Variants in IDUA observed in about 807,000 individuals in gnomAD.
IDUA encodes the protein iduronidase alpha-L-.
In IDUA, 65 loss-of-function variants were observed where a neutral mutation model predicts 68.9. That is an observed-to-expected ratio of 0.94 (90% CI 0.77 to 1.16). The LOEUF (loss-of-function observed/expected upper bound fraction) is 1.16, where lower values mean the gene tolerates loss of function less well. IDUA is among the 50% of genes most tolerant of loss of function. The pLI is 0.00. For synonymous variants in IDUA, 529 were observed against 433.6 expected (o/e 1.22, Z -2.73); for missense variants, 1,046 against 938.0 (o/e 1.12, Z -1.50).
intron 11 of IDUA, 23 bp from the exon 12 acceptor site, chr4:1,003,526 A>G (rs752997057): frequency 8.7e-6 from 14 of 1,608,408 alleles, no homozygotes; most frequent in Admixed American, 5.0e-5. Flanking sequence ...CCCCGACGCC[A>G]TCACAGCCCT....
intron 2 of IDUA, among the ~76,000 whole-genome samples, chr4:994,757 TAAAAAATTAAAAGTAAA>T (rs1312935654): frequency 9.7e-5 from 14 of 144,098 alleles, no homozygotes; most frequent in Non-Finnish European, 1.5e-5. Flanking sequence ...CCCCAACCTT[TAAAAAATTAAAAGTAAA>T]AAATTAGCTG....
chr4:992,057 T>G, intron 2 of IDUA: 1 of 554,418 alleles, frequency 1.8e-6, no homozygotes, highest in Non-Finnish European at 3.4e-6. Context: ...GGCTCTGCGG[T>G]TCCTGGCTGA....
intron 4 of IDUA, 130 bp from the exon 5 acceptor site, chr4:1,001,338 G>A: frequency 1.2e-6 from 1 of 845,446 alleles, no homozygotes; most frequent in Middle Eastern, 2.5e-4. Flanking sequence ...ATGTGGGGCG[G>A]GAGGCTGGCC....
intron 2 of IDUA, among the ~76,000 whole-genome samples, chr4:994,926 A>C (rs556681232): frequency 9.0e-4 from 137 of 152,278 alleles, no homozygotes; most frequent in African/African-American, 3.2e-3. Flanking sequence ...AGCCCGTCTC[A>C]AAAACAAACG....
intron 1 of IDUA, 115 bp from the exon 2 acceptor site, chr4:987,694 G>T (rs528851783): frequency 1.5e-5 from 23 of 1,534,932 alleles, no homozygotes; most frequent in Admixed American, 1.4e-4. Flanking sequence ...GTCACTGAAC[G>T]CACGGGCAGC....
At chr4:989,711 A>T in intron 2 of IDUA, 1 of 1,559,306 alleles carries the variant, frequency 6.4e-7, no homozygotes, top group Non-Finnish European at 8.7e-7. Flanking sequence ...TGTGTCCGGC[A>T]GCCAGTGGCT....
chr4:1,002,226 G>C, intron 7 of IDUA, 43 bp from the exon 8 acceptor site: 1 of 1,583,108 alleles, frequency 6.3e-7, no homozygotes, highest in Non-Finnish European at 8.6e-7. Context: ...ACAGGCGAGC[G>C]GTGGCCGCGC....
chr4:994,005 C>A (rs1307983721), intron 2 of IDUA, among the ~76,000 whole-genome samples: 1 of 152,258 alleles, frequency 6.6e-6, no homozygotes. Flanking sequence ...GCCTGGTCAC[C>A]CTCACGGCTC....
intron 2 of IDUA, chr4:992,330 CCT>C (rs1433583543): frequency 4.7e-5 from 19 of 400,840 alleles, no homozygotes; most frequent in South Asian, 2.0e-4. Context: ...TCCACCCACC[CCT>C]CTGTCACCTG....
intron 2 of IDUA, among the ~76,000 whole-genome samples, chr4:999,195 ACT>A (rs1292384074): frequency 7.0e-6 from 1 of 142,066 alleles, no homozygotes; most frequent in Non-Finnish European, 1.5e-5. Flanking sequence ...ACAGAGTGAG[ACT>A]CTGTCTCAAA....
At chr4:998,710 A>G (rs1291719486) in intron 2 of IDUA, among the ~76,000 whole-genome samples, 1 of 151,916 alleles carries the variant, frequency 6.6e-6, no homozygotes, top group Non-Finnish European at 1.5e-5. Flanking sequence ...AACCGAGACC[A>G]GTCTCACTCC....
chr4:1,003,749 C>T (rs1258422768), intron 12 of IDUA, 124 bp downstream of exon 12: 4 of 1,093,486 alleles, frequency 3.7e-6, no homozygotes, highest in African/African-American at 3.1e-5. Flanking sequence ...CCTCGCCGCC[C>T]TGCGTCCCTG....
In IDUA at chr4:987,064, A is replaced by T; in HGVS notation, c.-21A>T. 2.0e-6 allele frequency: 3 copies of T among 1,505,464 alleles called. No homozygotes were observed. Among genetic ancestry groups the T allele is most frequent in the Non-Finnish European group, 2.6e-6 (3 of 1,135,078 alleles). The allele number at this position is 1,505,464 out of a possible 1,614,324, so 93.3% of individuals were successfully genotyped here. On this transcript the variant is annotated 5_prime_UTR_variant, in exon 1 of 14. Coordinates refer to ENST00000514224, the MANE Select transcript of IDUA (RefSeq NM_000203.5). ...CCGGCAGTGCAGCCCGAAGCCCCGC[A>T]GTCCCCGAGCACGCGTGGCCATGCG...
chr4:998,783 A>ACCCCCCCCCCCCCCCCCCCCCCCC (rs148444493), intron 2 of IDUA, among the ~76,000 whole-genome samples: 1 of 120,756 alleles, frequency 8.3e-6, no homozygotes, highest in African/African-American at 3.3e-5. Flanking sequence ...CGACCCCCCG[A>ACCCCCCCCCCCCCCCCCCCCCCCC]CCCCCCACCT....
intron 4 of IDUA, chr4:1,001,235 T>C: frequency 1.6e-6 from 1 of 625,896 alleles, no homozygotes; most frequent in Non-Finnish European, 2.9e-6. Flanking sequence ...TGGGGGGTAC[T>C]CCTGGGCAGG....
At chr4:991,897 A>G (rs1425983834) in intron 2 of IDUA, 1 of 1,224,530 alleles carries the variant, frequency 8.2e-7, no homozygotes. Context: ...CCTGCCCGGT[A>G]TGGATGGACG....
rs528419765 is a variant in IDUA, at chr4:1,001,253, C to T, written c.494-215C>T. Reference sequence around the variant, plus strand: ...GGGGTACTCCTGGGCAGGCTGCACCCCTATCACCCAGGCCGCACCCCTATC... The same window carrying T: ...GGGGTACTCCTGGGCAGGCTGCACCTCTATCACCCAGGCCGCACCCCTATC... On this transcript the variant is annotated intron_variant, in intron 4 of 13. Transcript: ENST00000514224. 1.2e-5 allele frequency: 5 copies of T among 429,006 alleles called. No homozygotes were observed. In the East Asian group the frequency reaches 1.6e-4, roughly 13 times the overall value. The allele number at this position is 429,006 out of a possible 1,614,324, so 26.6% of individuals were successfully genotyped here. A position where few individuals can be genotyped will look rare whatever the true frequency, so the allele number is the denominator to read the frequency against.
chr4:989,575 C>A lies in IDUA; in HGVS notation c.299+1626C>A, dbSNP rs371025483. 33 of 1,594,000 alleles carry A rather than the reference C, an allele frequency of 2.1e-5. No homozygotes were observed. Among genetic ancestry groups the A allele is most frequent in the Middle Eastern group, 3.4e-4 (2 of 5,958 alleles). On this transcript the variant is annotated intron_variant, in intron 2 of 13. Transcript: ENST00000514224. Reference sequence around the variant, plus strand: ...CAGCCGCGGGAGGTCCCACACCTTGCGCAGGGCCCCCCGCAGGCTGACCAC... The same window carrying A: ...CAGCCGCGGGAGGTCCCACACCTTGAGCAGGGCCCCCCGCAGGCTGACCAC...
intron 2 of IDUA, chr4:988,949 C>G (rs148885765): frequency 2.5e-6 from 4 of 1,596,134 alleles, no homozygotes; most frequent in Non-Finnish European, 3.4e-6. Context: ...GGGCCCTCCC[C>G]GAGGAAGCCT....
Sources: allele counts gnomAD v4.1 joint callset (sites outside exome capture counted in the v4.1 genomes callset), GRCh38; gene constraint gnomAD v4.1.1; transcripts MANE v1.5; gene names NCBI Gene and HGNC (gene_info 2026-07-23, HGNC 2026-07-21).